Variants in EIF2AK4 observed in about 807,000 individuals in gnomAD.
EIF2AK4 encodes eIF-2-alpha kinase GCN2.
In EIF2AK4, 139 loss-of-function variants were observed where a neutral mutation model predicts 211.1. That is an observed-to-expected ratio of 0.66 (90% CI 0.57 to 0.76). EIF2AK4 has a LOEUF of 0.76. Among genes scored for constraint, EIF2AK4 ranks in the 30% least tolerant of loss-of-function variants. The probability of loss-of-function intolerance (pLI) is 0.00; values close to 1 mark genes in which losing one functional copy is unlikely to be tolerated. For missense variants in EIF2AK4, 1,664 were observed against 2,043.8 expected (o/e 0.81, Z 3.58); for synonymous variants, 710 against 751.3 (o/e 0.94, Z 0.90).
At chr15:39,934,374 G>C (rs752447367) in intron 1 of EIF2AK4, 35 bp downstream of exon 1, 17 of 1,580,150 alleles carry the variant, frequency 1.1e-5, no homozygotes, top group African/African-American at 1.4e-5. Flanking sequence ...GGGCTGGCGT[G>C]CCCTGGCCTC....
intron 23 of EIF2AK4, among the ~76,000 whole-genome samples, chr15:40,004,179 A>G (rs896809153): frequency 1.3e-5 from 2 of 152,248 alleles, no homozygotes; most frequent in African/African-American, 4.8e-5. Context: ...AAACCTTTAG[A>G]AAAGTAATCT....
chr15:39,996,059 C>T (rs1032236157), intron 18 of EIF2AK4, among the ~76,000 whole-genome samples: 10 of 152,096 alleles, frequency 6.6e-5, no homozygotes, highest in African/African-American at 2.4e-4. Context: ...TTCTCTGTTA[C>T]TGTGGGTTTG....
At position 39,992,221 on chromosome 15, in the gene EIF2AK4, A is replaced by T. The variant is rs747979128; in HGVS notation, c.2678A>T (p.Asp893Val). The change falls in exon 17 of 39, where the codon GAC becomes GTC. Residue 893 changes from aspartate (D) to valine (V), a missense_variant. Physicochemically the swap from Asp to Val is radical, Grantham distance 152. Transcript: ENST00000263791. ...DDQTGDLIKS[D>V]PSGHLTGMVG... ...CAGACAGGAGACTTGATTAAGTCAG[A>T]CCCTTCAGGTAAACCCAGAAGACTA... 1.3e-5 allele frequency: 21 copies of T among 1,611,180 alleles called. No homozygotes were observed. The highest frequency in any genetic ancestry group is 1.8e-5 in the Non-Finnish European group (21 of 1,178,588).
chr15:40,017,655 C>G lies in EIF2AK4; in HGVS notation c.4065+413C>G, dbSNP rs146906293. On this transcript the variant is annotated intron_variant, in intron 29 of 38. Coordinates refer to ENST00000263791, the MANE Select transcript of EIF2AK4 (RefSeq NM_001013703.4). Reference sequence around the variant, plus strand: ...GACCTCCCTGGGCTCAAATGATTCTCTCACCTTAGCCTCCCGAGTAGCTGA... The same window carrying G: ...GACCTCCCTGGGCTCAAATGATTCTGTCACCTTAGCCTCCCGAGTAGCTGA... Among the ~76,000 whole-genome samples the G allele has an allele frequency of 7.7e-3, 1,148 of 149,978 alleles. 15 individuals carry two copies. Among genetic ancestry groups the G allele is most frequent in the African/African-American group, 0.027 (1,101 of 40,666 alleles).
At chr15:39,974,483 T>C (rs1299428252) in intron 11 of EIF2AK4, 1 of 152,198 alleles carries the variant, frequency 6.6e-6, no homozygotes, top group Admixed American at 6.5e-5. Context: ...GAAGCATTAC[T>C]GTTACTGTAG....
At chr15:39,976,382 G>C (rs1443144693) in intron 11 of EIF2AK4, 32 bp from the exon 12 acceptor site, 1 of 1,557,706 alleles carries the variant, frequency 6.4e-7, no homozygotes, top group Admixed American at 1.9e-5. Flanking sequence ...GCAAGGCTCC[G>C]AGCGGCTGAC....
chr15:39,969,246 C>T (rs928609616), intron 9 of EIF2AK4, among the ~76,000 whole-genome samples: 4 of 151,824 alleles, frequency 2.6e-5, no homozygotes, highest in Non-Finnish European at 4.4e-5. Flanking sequence ...TTTCCTTTCC[C>T]GTTTAGTAGC....
chr15:39,942,677 G>C (rs78688221), intron 2 of EIF2AK4, among the ~76,000 whole-genome samples: 4 of 152,316 alleles, frequency 2.6e-5, no homozygotes, highest in African/African-American at 9.6e-5. Context: ...TAATGTCCTT[G>C]AGTTGAAAGT....
chr15:40,028,233 C>T (rs968274015), intron 33 of EIF2AK4, among the ~76,000 whole-genome samples: 1 of 152,048 alleles, frequency 6.6e-6, no homozygotes, highest in Non-Finnish European at 1.5e-5. Flanking sequence ...CCACCTTGTC[C>T]AGCTAATTTT....
In EIF2AK4 at chr15:39,967,514, C is replaced by T; in HGVS notation, c.1188C>T (p.Pro396=). The T allele has an allele frequency of 6.2e-7, 1 of 1,614,048 alleles. No individual in the cohort carries two copies. Among genetic ancestry groups the T allele is most frequent in the Non-Finnish European group, 8.5e-7 (1 of 1,180,010 alleles). ...CTGCACACCTGAGCCACTCAGGCCC[C>T]ATCCCTGTGCATCAGCTTCGCAGGT... ...SLAAHLSHSG[P]IPVHQLRRYT... is the part of the protein sequence containing the mutation. The change falls in exon 9 of 39, where the codon CCC becomes CCT. Residue 396 remains proline, a synonymous_variant. Transcript: ENST00000263791.
Position 40,020,985 on chromosome 15 carries a change from G to C in EIF2AK4, c.4260G>C (p.Trp1420Cys), listed in dbSNP as rs758978249. The change falls in exon 31 of 39, where the codon TGG (tryptophan) becomes TGC (cysteine). Residue 1420 changes from tryptophan to cysteine, a missense_variant. Physicochemically the swap from Trp to Cys is radical, Grantham distance 215 (BLOSUM62 -2). Around this residue, in one of 7 missense-constraint regions of EIF2AK4, gnomAD observed 622 missense variants for 796.8 expected, o/e 0.78. Transcript: ENST00000263791. The part of the protein sequence containing the change: ...SRAINLTQKL[W>C]TAGITAEIMY... ...CCATCAACCTAACCCAGAAACTCTG[G>C]ACAGCAGGCATCACAGCAGAAATCA... 6.2e-7 allele frequency: 1 copy of C among 1,613,818 alleles called. No homozygotes were observed. Among genetic ancestry groups the C allele is most frequent in the Non-Finnish European group, 8.5e-7 (1 of 1,179,886 alleles).
At chr15:39,981,606 A>C (rs1238218101) in intron 13 of EIF2AK4, among the ~76,000 whole-genome samples, 1 of 146,554 alleles carries the variant, frequency 6.8e-6, no homozygotes, top group African/African-American at 2.5e-5. Context: ...ACCAGAGCAG[A>C]GCTTTTTTTT....
At chr15:39,977,986 G>A in intron 12 of EIF2AK4, 92 bp from the exon 13 acceptor site, 1 of 819,114 alleles carries the variant, frequency 1.2e-6, no homozygotes, top group Non-Finnish European at 2.0e-6. Flanking sequence ...GATGTCTGTA[G>A]CCTCTTGTGC....
At chr15:39,955,886 A>T in intron 6 of EIF2AK4, 118 bp downstream of exon 6, 1 of 1,052,960 alleles carries the variant, frequency 9.5e-7, no homozygotes. Context: ...ACTTTTTTCA[A>T]ACCTTATATA....
intron 34 of EIF2AK4, 123 bp downstream of exon 34, chr15:40,029,587 A>AT: frequency 1.0e-6 from 1 of 984,804 alleles, no homozygotes. Context: ...TACGCAATAA[A>AT]TTGTACCACA....
chr15:39,957,826 G>T (rs1285491527), intron 6 of EIF2AK4, among the ~76,000 whole-genome samples: 2 of 152,148 alleles, frequency 1.3e-5, no homozygotes, highest in African/African-American at 4.8e-5. Context: ...AACCAGGGCA[G>T]TTTTGCTTCT....
At chr15:40,009,110 G>GTTTTGTTTTGA (rs1346025161) in intron 25 of EIF2AK4, among the ~76,000 whole-genome samples, 1 of 106,390 alleles carries the variant, frequency 9.4e-6, no homozygotes, top group African/African-American at 3.6e-5. Flanking sequence ...TTTTGTTTTG[G>GTTTTGTTTTGA]AGACAGTGTC....
At chr15:39,976,326 C>G in intron 11 of EIF2AK4, 88 bp from the exon 12 acceptor site, 1 of 1,412,578 alleles carries the variant, frequency 7.1e-7, no homozygotes, top group South Asian at 1.4e-5. Flanking sequence ...TAGAACTTCA[C>G]GCTTTCCTTG....
intron 8 of EIF2AK4, among the ~76,000 whole-genome samples, chr15:39,966,276 T>A (rs1413448586): frequency 1.3e-5 from 2 of 151,598 alleles, no homozygotes; most frequent in African/African-American, 2.4e-5. Flanking sequence ...TTGAGACCAG[T>A]CTGGGCAACA....
Sources: gnomAD v4.1 joint callset for allele counts (sites outside exome capture counted in the v4.1 genomes callset) on GRCh38, gnomAD v4.1.1 for gene constraint, gnomAD v4.1.1 regional missense constraint, MANE v1.5 for transcripts, NCBI Gene and HGNC (gene_info 2026-07-23, HGNC 2026-07-21) for gene names.